DPYSL2: variants seen among roughly 807,000 people sequenced by gnomAD.
DPYSL2 encodes dihydropyrimidinase-related protein 2.
A neutral mutation model predicts 69.9 loss-of-function variants in DPYSL2; 13 were observed. That is an observed-to-expected ratio of 0.19 (90% CI 0.12 to 0.30). The LOEUF is 0.30. DPYSL2 is among the 10% of genes least tolerant of loss of function. The pLI is 1.00. For missense variants in DPYSL2, 587 were observed against 918.9 expected (o/e 0.64, Z 4.67); for synonymous variants, 326 against 359.1 (o/e 0.91, Z 1.04).
intron 3 of DPYSL2, among the ~76,000 whole-genome samples, chr8:26,592,043 G>A (rs1357986908): frequency 6.6e-6 from 1 of 152,190 alleles, no homozygotes; most frequent in Non-Finnish European, 1.5e-5. Context: ...AGGAACCAGG[G>A]TAGAGCACCT....
chr8:26,652,417 G>GT lies in DPYSL2; in HGVS notation c.1758dup (p.Ile587TyrfsTer9). The GT allele has an allele frequency of 6.2e-7, 1 of 1,613,066 alleles. No homozygotes were observed. Among genetic ancestry groups the GT allele is most frequent in the Non-Finnish European group, 8.5e-7 (1 of 1,179,512 alleles). On this transcript the variant is annotated frameshift_variant, in exon 12 of 14. Transcript: ENST00000521913. LOFTEE classifies it high-confidence loss of function. This position sits in a 1 kb window ranked among gnomAD's most constrained non-coding sequence, Gnocchi z 6.3. Reference sequence around the variant, plus strand: ...CCCTTCCCTGATTTTGTTTACAAGCGTATCAAGGCAAGGAGCAGGGTGAGT... The same window carrying GT: ...CCCTTCCCTGATTTTGTTTACAAGCGTTATCAAGGCAAGGAGCAGGGTGAGT...
intron 3 of DPYSL2, among the ~76,000 whole-genome samples, chr8:26,600,477 A>AT (rs771263755): frequency 6.6e-6 from 1 of 152,152 alleles, no homozygotes; most frequent in Non-Finnish European, 1.5e-5. Flanking sequence ...TGTCGTTTTG[A>AT]TTATAGCCAT....
In DPYSL2 at chr8:26,581,961, T is replaced by G. The variant is rs1380546510; in HGVS notation, c.355-8T>G. On this transcript the variant is annotated splice_region_variant and splice_polypyrimidine_tract_variant and intron_variant, in intron 1 of 13. Coordinates refer to ENST00000521913, the MANE Select transcript of DPYSL2 (RefSeq NM_001197293.3). The stretch of plus-strand genomic sequence containing the variant: ...ACGCGTTGTGACCTTACTGCCTCTT[T>G]GTTTCAGAGCGATCGTCTTCTGATC... 2 of 1,613,396 alleles carry G rather than the reference T, an allele frequency of 1.2e-6. No individual in the cohort carries two copies. Among genetic ancestry groups the G allele is most frequent in the African/African-American group, 1.3e-5 (1 of 75,052 alleles).
At chr8:26,563,873 A>T (rs1362365369) in intron 1 of DPYSL2, among the ~76,000 whole-genome samples, 1 of 152,166 alleles carries the variant, frequency 6.6e-6, no homozygotes, top group Non-Finnish European at 1.5e-5. Context: ...GAATGAATGA[A>T]TGAAGTGTGG....
At position 26,593,666 on chromosome 8, in the gene DPYSL2, A is replaced by C. The variant is rs142016590; in HGVS notation, c.628+9683A>C. Among the ~76,000 whole-genome samples, 50 of 152,266 alleles carry C rather than the reference A, an allele frequency of 3.3e-4. No homozygotes were observed. Among genetic ancestry groups the C allele is most frequent in the Non-Finnish European group, 3.1e-4 (21 of 68,022 alleles). On this transcript the variant is annotated intron_variant, in intron 3 of 13. Coordinates refer to ENST00000521913, the MANE Select transcript of DPYSL2 (RefSeq NM_001197293.3). This position sits in a 1 kb window ranked among gnomAD's most constrained non-coding sequence, Gnocchi z 5.7. The stretch of plus-strand genomic sequence containing the variant: ...GAAGGTTTTACTTGGCTAATTCCCT[A>C]AAAGGGCACTGGTTAGGACTTGGAG...
At position 26,587,621 on chromosome 8, in the gene DPYSL2, A is replaced by G. The variant is rs1003569937; in HGVS notation, c.628+3638A>G. Among the ~76,000 whole-genome samples the G allele has an allele frequency of 2.0e-5, 3 of 152,238 alleles. No homozygotes were observed. Among genetic ancestry groups the G allele is most frequent in the African/African-American group, 4.8e-5 (2 of 41,464 alleles). On this transcript the variant is annotated intron_variant, in intron 3 of 13. Coordinates refer to ENST00000521913, the MANE Select transcript of DPYSL2 (RefSeq NM_001197293.3). This position sits in a 1 kb window ranked among gnomAD's most constrained non-coding sequence, Gnocchi z 4.2. ...TTATTGCCATTAAACAGAGCCTGCT[A>G]TTGAGAATCACACAATGAGATCTTT... is the stretch of plus-strand genomic sequence containing the variant.
intron 1 of DPYSL2, among the ~76,000 whole-genome samples, chr8:26,558,683 GTGTT>G (rs1801027949): frequency 6.6e-6 from 1 of 152,152 alleles, no homozygotes; most frequent in Admixed American, 6.5e-5. Flanking sequence ...AGGAGAAACA[GTGTT>G]TGCCTTGTGG....
chr8:26,550,623 C>T (rs1800858915), intron 1 of DPYSL2, among the ~76,000 whole-genome samples: 1 of 152,102 alleles, frequency 6.6e-6, no homozygotes, highest in Admixed American at 6.5e-5. Flanking sequence ...TCAGGGTTCT[C>T]CAGAAATGCA....
Position 26,644,036 on chromosome 8 carries a change from C to T in DPYSL2, c.1370C>T (p.Pro457Leu). The change falls in exon 10 of 14, where the codon CCG (proline) becomes CTG (leucine). Residue 457 changes from proline to leucine, a missense_variant. By Grantham distance (98) the Pro-to-Leu change is moderately conservative. This residue lies in a region of DPYSL2 where 452 missense variants were observed against 754.3 expected (regional missense o/e 0.60). Coordinates refer to ENST00000521913, the MANE Select transcript of DPYSL2 (RefSeq NM_001197293.3). The surrounding 1 kb of genome is among the most constrained non-coding windows in gnomAD (Gnocchi z 4.5). ...GGAAAGGACAACTTCACCCTGATTCCGGAGGGCACCAATGGCACTGAGGAG... is the reference window on the plus strand; with the variant it reads ...GGAAAGGACAACTTCACCCTGATTCTGGAGGGCACCAATGGCACTGAGGAG... ...AVGKDNFTLI[P>L]EGTNGTEERM... The T allele has an allele frequency of 1.9e-6, 3 of 1,614,200 alleles. No homozygotes were observed. Among genetic ancestry groups the T allele is most frequent in the Non-Finnish European group, 2.5e-6 (3 of 1,180,040 alleles).
At position 26,514,736 on chromosome 8, in the gene DPYSL2, C is replaced by T. The variant is rs1231242091; in HGVS notation, c.354+57C>T. On this transcript the variant is annotated intron_variant, in intron 1 of 13. Coordinates refer to ENST00000521913, the MANE Select transcript of DPYSL2 (RefSeq NM_001197293.3). The surrounding 1 kb of genome is among the most constrained non-coding windows in gnomAD (Gnocchi z 8.4). ...GACGGGGCGCGGGGATCGCCCCTCC[C>T]TCGCCCCTGAGCCCGGCGCGCCCGC... 7.5e-7 allele frequency: 1 copy of T among 1,336,194 alleles called. No individual in the cohort carries two copies. The highest frequency in any genetic ancestry group is 1.6e-5 in the African/African-American group (1 of 64,450). The allele number at this position is 1,336,194 out of a possible 1,614,324, so 82.8% of individuals were successfully genotyped here.
rs1802207239 is a variant in DPYSL2, at chr8:26,610,823, T to G, written c.629-13320T>G. Reference sequence around the variant, plus strand: ...GTTTTTACTATTTAACACACGATTTTGTAGGCCCTACTGTTGTTAGCTGTT... The same window carrying G: ...GTTTTTACTATTTAACACACGATTTGGTAGGCCCTACTGTTGTTAGCTGTT... On this transcript the variant is annotated intron_variant, in intron 3 of 13. Coordinates refer to ENST00000521913, the MANE Select transcript of DPYSL2 (RefSeq NM_001197293.3). The surrounding 1 kb of genome is among the most constrained non-coding windows in gnomAD (Gnocchi z 4.5). Among the ~76,000 whole-genome samples the G allele has an allele frequency of 6.6e-6, 1 of 152,200 alleles. No homozygotes were observed. The highest frequency in any genetic ancestry group is 6.5e-5 in the Admixed American group (1 of 15,280).
chr8:26,616,945 C>T (rs1409042162), intron 3 of DPYSL2, among the ~76,000 whole-genome samples: 1 of 151,880 alleles, frequency 6.6e-6, no homozygotes, highest in Non-Finnish European at 1.5e-5. Context: ...ATCCTCTCCC[C>T]TCCCTCCTGC....
At position 26,591,682 on chromosome 8, in the gene DPYSL2, G is replaced by A. The variant is rs772254619; in HGVS notation, c.628+7699G>A. Among the ~76,000 whole-genome samples the A allele has an allele frequency of 1.3e-5, 2 of 152,190 alleles. No individual in the cohort carries two copies. The highest frequency in any genetic ancestry group is 2.9e-5 in the Non-Finnish European group (2 of 68,028). ...CACCTGAGATATGAGACTGATGAAT[G>A]CAGAACTGCTCTGGTTGGAATGGTG... On this transcript the variant is annotated intron_variant, in intron 3 of 13. Transcript: ENST00000521913. This position sits in a 1 kb window ranked among gnomAD's most constrained non-coding sequence, Gnocchi z 5.8.
rs1012402892 is a variant in DPYSL2, at chr8:26,533,286, T to C, written c.354+18607T>C. On this transcript the variant is annotated intron_variant, in intron 1 of 13. Coordinates refer to ENST00000521913, the MANE Select transcript of DPYSL2 (RefSeq NM_001197293.3). This position sits in a 1 kb window ranked among gnomAD's most constrained non-coding sequence, Gnocchi z 4.8. ...TATTCTGGATACTACATCCTTAATATATATTATTTTTTTCTCCTGCTCTGT... is the reference window on the plus strand; with the variant it reads ...TATTCTGGATACTACATCCTTAATACATATTATTTTTTTCTCCTGCTCTGT... 6.6e-6 allele frequency among the ~76,000 whole-genome samples: 1 copy of C among 152,236 alleles called. No homozygotes were observed. Among genetic ancestry groups the C allele is most frequent in the African/African-American group, 2.4e-5 (1 of 41,470 alleles).
chr8:26,613,706 A>T (rs1802286570), intron 3 of DPYSL2, among the ~76,000 whole-genome samples: 1 of 152,164 alleles, frequency 6.6e-6, no homozygotes, highest in African/African-American at 2.4e-5. Context: ...AGAGATCAGG[A>T]GCCCCATGCC....
chr8:26,558,798 G>A (rs62492717), intron 1 of DPYSL2, among the ~76,000 whole-genome samples: 17,615 of 152,046 alleles, frequency 0.12, 1,183 homozygotes, highest in Middle Eastern at 0.25. Context: ...TAAAAAGATG[G>A]GATCCTAATG....
chr8:26,578,661 C>A, intron 1 of DPYSL2: 2 of 1,031,880 alleles, frequency 1.9e-6, no homozygotes, highest in Non-Finnish European at 2.4e-6. Flanking sequence ...GTTCTCTGGG[C>A]TGCGTGCTGC....
chr8:26,609,307 T>C lies in DPYSL2; in HGVS notation c.629-14836T>C, dbSNP rs960244124. ...CTGTCCGTTCATTTGCTCTTTGTTCTTTCCTGTTATTAACAATGGCTTTGG... is the reference window on the plus strand; with the variant it reads ...CTGTCCGTTCATTTGCTCTTTGTTCCTTCCTGTTATTAACAATGGCTTTGG... On this transcript the variant is annotated intron_variant, in intron 3 of 13. Transcript: ENST00000521913. The surrounding 1 kb of genome is among the most constrained non-coding windows in gnomAD (Gnocchi z 6.5). 6.6e-6 allele frequency among the ~76,000 whole-genome samples: 1 copy of C among 152,220 alleles called. No individual in the cohort carries two copies. Among genetic ancestry groups the C allele is most frequent in the African/African-American group, 2.4e-5 (1 of 41,466 alleles).
intron 8 of DPYSL2, chr8:26,637,427 A>G (rs761542232): frequency 2.6e-5 from 4 of 152,218 alleles, no homozygotes; most frequent in Non-Finnish European, 5.9e-5. Context: ...CTCAGAGCTC[A>G]TGTATAGTGG....
Sources: gnomAD v4.1 joint callset for allele counts (sites outside exome capture counted in the v4.1 genomes callset) on GRCh38, gnomAD v4.1.1 for gene constraint, gnomAD v4.1.1 regional missense constraint, Gnocchi (gnomAD v3.1) non-coding constraint, MANE v1.5 for transcripts, NCBI Gene and HGNC (gene_info 2026-07-23, HGNC 2026-07-21) for gene names.